The following LRRC28 variants were observed in gnomAD, a reference collection of about 807,000 sequenced individuals.
The protein encoded by LRRC28 is leucine-rich repeat-containing protein 28.
In LRRC28, 39 loss-of-function variants were observed where a neutral mutation model predicts 45.7. That is an observed-to-expected ratio of 0.85 (90% CI 0.66 to 1.12). The LOEUF is 1.12. LRRC28 is among the 50% of genes most tolerant of loss of function. LRRC28 has a pLI of 0.00. For missense variants in LRRC28, 435 were observed against 438.5 expected (o/e 0.99, Z 0.07); for synonymous variants, 206 against 178.8 (o/e 1.15, Z -1.22).
intron 2 of LRRC28, among the ~76,000 whole-genome samples, chr15:99,275,192 T>G (rs1429772442): frequency 6.6e-6 from 1 of 152,222 alleles, no homozygotes; most frequent in African/African-American, 2.4e-5. Flanking sequence ...ACAGGAGGCT[T>G]TCTCCACTAC....
intron 3 of LRRC28, among the ~76,000 whole-genome samples, chr15:99,280,154 A>AT (rs929634779): frequency 2.6e-5 from 4 of 151,104 alleles, no homozygotes; most frequent in Admixed American, 1.3e-4. Context: ...TTCTGATTGT[A>AT]TTTTTTTTAA....
intron 3 of LRRC28, chr15:99,284,758 G>A: frequency 1.9e-6 from 1 of 527,018 alleles, no homozygotes; most frequent in South Asian, 1.4e-5. Flanking sequence ...CCCTTCATGG[G>A]TTCAAAATTT....
intron 5 of LRRC28, among the ~76,000 whole-genome samples, chr15:99,292,417 T>G (rs2082146946): frequency 6.9e-6 from 1 of 145,156 alleles, no homozygotes; most frequent in Admixed American, 7.0e-5. Flanking sequence ...GACTGCGGAC[T>G]GCAGTGGTGC....
chr15:99,268,918 C>T (rs11247069), intron 2 of LRRC28, among the ~76,000 whole-genome samples: 14,614 of 152,274 alleles, frequency 0.096, 995 homozygotes, highest in East Asian at 0.33. Flanking sequence ...CCGACATTTA[C>T]ATAACTTAAA....
intron 5 of LRRC28, among the ~76,000 whole-genome samples, chr15:99,327,559 TG>T (rs1345116520): frequency 6.6e-6 from 1 of 152,194 alleles, no homozygotes; most frequent in African/African-American, 2.4e-5. Context: ...TTTCATCTTT[TG>T]TTCCTAGTTT....
chr15:99,291,726 T>A (rs1389270047), intron 5 of LRRC28, among the ~76,000 whole-genome samples: 1 of 152,250 alleles, frequency 6.6e-6, no homozygotes, highest in African/African-American at 2.4e-5. Flanking sequence ...TGTAATTTTA[T>A]ATCCAATATT....
intron 2 of LRRC28, chr15:99,258,355 G>A (rs184507279): frequency 2.5e-5 from 32 of 1,295,496 alleles, no homozygotes; most frequent in African/African-American, 2.2e-4. Flanking sequence ...GACGGGGAAC[G>A]ACCATTACCC....
intron 2 of LRRC28, among the ~76,000 whole-genome samples, chr15:99,269,113 A>G (rs930036214): frequency 6.6e-6 from 1 of 152,182 alleles, no homozygotes; most frequent in African/African-American, 2.4e-5. Flanking sequence ...AGTTTTTGCT[A>G]AGTTAAAAAT....
At chr15:99,281,121 G>C (rs755826336) in intron 3 of LRRC28, among the ~76,000 whole-genome samples, 44 of 151,818 alleles carry the variant, frequency 2.9e-4, no homozygotes, top group Non-Finnish European at 5.7e-4. Context: ...TTGAACTCCT[G>C]GGCTCAAGGG....
chr15:99,325,166 C>G (rs747379067), intron 5 of LRRC28, among the ~76,000 whole-genome samples: 8 of 151,410 alleles, frequency 5.3e-5, no homozygotes, highest in Non-Finnish European at 1.2e-4. Context: ...CAGTTTATTA[C>G]CAAGTATATA....
rs2081405328 is a variant in LRRC28, at chr15:99,269,070, G to A, written c.169-7506G>A. Among the ~76,000 whole-genome samples, 5 of 151,336 alleles carry A rather than the reference G, an allele frequency of 3.3e-5. No homozygotes were observed. In the South Asian group the frequency reaches 1.0e-3, roughly 32 times the overall value. ...TTGTATTTTTGTAAATGTACTGGAT[G>A]TATAGTTTTTTTTATTTTGAGCTCA... On this transcript the variant is annotated intron_variant, in intron 2 of 9. Transcript: ENST00000301981.
At chr15:99,284,914 T>C in intron 3 of LRRC28, 1 of 595,218 alleles carries the variant, frequency 1.7e-6, no homozygotes, top group Non-Finnish European at 3.2e-6. Context: ...TCATGACTGC[T>C]GAAGTTTCCT....
At chr15:99,260,806 T>TA (rs1272779590) in intron 2 of LRRC28, among the ~76,000 whole-genome samples, 1 of 152,244 alleles carries the variant, frequency 6.6e-6, no homozygotes, top group Non-Finnish European at 1.5e-5. Context: ...ACGTTGAAAA[T>TA]ATAGAGTATC....
At chr15:99,380,512 T>G (rs1412628303) in intron 9 of LRRC28, among the ~76,000 whole-genome samples, 2 of 152,240 alleles carry the variant, frequency 1.3e-5, no homozygotes, top group Non-Finnish European at 2.9e-5. Context: ...GTCTTTTAAT[T>G]GGAGCATTTA....
chr15:99,313,295 C>T (rs557285483), intron 5 of LRRC28, among the ~76,000 whole-genome samples: 3 of 152,210 alleles, frequency 2.0e-5, no homozygotes, highest in South Asian at 2.1e-4. Context: ...CAGAAAATGA[C>T]ATCTGGCTCA....
intron 3 of LRRC28, among the ~76,000 whole-genome samples, chr15:99,282,191 T>TTTTTTTTTG (rs1327794715): frequency 4.3e-5 from 6 of 138,382 alleles, no homozygotes; most frequent in South Asian, 2.4e-4. Context: ...TTTTTTTTTT[T>TTTTTTTTTG]GTAGCAGTAG....
At chr15:99,290,251 C>T (rs1597253449) in intron 5 of LRRC28, among the ~76,000 whole-genome samples, 1 of 148,870 alleles carries the variant, frequency 6.7e-6, no homozygotes, top group Non-Finnish European at 1.5e-5. Context: ...AGAGTGAGAC[C>T]CTGCCTCAAA....
At chr15:99,287,423 C>T (rs780251911) in intron 4 of LRRC28, 129 bp downstream of exon 4, 1 of 605,054 alleles carries the variant, frequency 1.7e-6, no homozygotes, top group Non-Finnish European at 2.7e-6. Flanking sequence ...CTAATAAGTC[C>T]AGTTAAGAAC....
intron 9 of LRRC28, among the ~76,000 whole-genome samples, chr15:99,385,304 C>T (rs79873907): frequency 0.015 from 2,288 of 152,274 alleles, 54 homozygotes; most frequent in African/African-American, 0.052. Flanking sequence ...GAAAGGCGGA[C>T]TGTGTTGGGG....
Sources: allele counts gnomAD v4.1 joint callset (sites outside exome capture counted in the v4.1 genomes callset), GRCh38; gene constraint gnomAD v4.1.1; transcripts MANE v1.5; gene names NCBI Gene and HGNC (gene_info 2026-07-23, HGNC 2026-07-21).